BCAT1: variants seen among roughly 807,000 people sequenced by gnomAD.
BCAT1 encodes the protein branched chain amino acid transaminase 1.
Under a neutral mutation model 52.4 loss-of-function variants are expected in BCAT1, and 48 were observed. The ratio of observed to expected loss-of-function variants is 0.92; its 90% CI spans 0.73 to 1.16. BCAT1 has a LOEUF of 1.16. Ranked by LOEUF, BCAT1 falls within the 50% of genes most tolerant of loss-of-function variation. The pLI, the probability that BCAT1 is intolerant of heterozygous loss-of-function variation, is 0.00. For synonymous variants in BCAT1, 167 were observed against 161.3 expected (o/e 1.04, Z -0.27); for missense variants, 451 against 457.1 (o/e 0.99, Z 0.12).
At chr12:24,924,782 G>T (rs1340356456) in intron 1 of BCAT1, among the ~76,000 whole-genome samples, 3 of 152,148 alleles carry the variant, frequency 2.0e-5, no homozygotes, top group Non-Finnish European at 2.9e-5. Flanking sequence ...ATATGAACCA[G>T]ATATGACATG....
intron 5 of BCAT1, among the ~76,000 whole-genome samples, chr12:24,869,356 C>T (rs1359630445): frequency 1.3e-5 from 2 of 152,156 alleles, no homozygotes; most frequent in African/African-American, 2.4e-5. Flanking sequence ...CCCTCCTCTT[C>T]CTGGGTGGTA....
chr12:24,815,332 AC>A lies in BCAT1; in HGVS notation c.*2675del, dbSNP rs1311709450. 1 of 152,624 alleles carries A rather than the reference AC, an allele frequency of 6.6e-6. No individual in the cohort carries two copies. Among genetic ancestry groups the A allele is most frequent in the Non-Finnish European group, 1.5e-5 (1 of 68,032 alleles). The allele number at this position is 152,624 out of a possible 1,614,324, so 9.5% of individuals were successfully genotyped here. On this transcript the variant is annotated 3_prime_UTR_variant, in exon 11 of 11. Transcript: ENST00000261192. The stretch of plus-strand genomic sequence containing the variant: ...TGAATTGCTGAATCTCATTTGATCA[AC>A]CCAATTAAACATTAAATAATTGCAG...
intron 1 of BCAT1, among the ~76,000 whole-genome samples, chr12:24,934,125 T>G (rs527989968): frequency 8.5e-5 from 13 of 152,222 alleles, no homozygotes; most frequent in Non-Finnish European, 1.8e-4. Context: ...GCTTTTCATT[T>G]AAAAGAAAAG....
At chr12:24,923,844 G>A (rs1162253648) in intron 1 of BCAT1, among the ~76,000 whole-genome samples, 1 of 152,174 alleles carries the variant, frequency 6.6e-6, no homozygotes, top group Non-Finnish European at 1.5e-5. Flanking sequence ...AGACCACACA[G>A]GGCAATTAAC....
At chr12:24,924,896 T>C (rs1943555600) in intron 1 of BCAT1, among the ~76,000 whole-genome samples, 1 of 152,226 alleles carries the variant, frequency 6.6e-6, no homozygotes, top group Non-Finnish European at 1.5e-5. Context: ...TATTTTCATA[T>C]GATTCAGTAC....
At chr12:24,904,776 G>C (rs1943200521) in intron 1 of BCAT1, 1 of 152,202 alleles carries the variant, frequency 6.6e-6, no homozygotes, top group Non-Finnish European at 1.5e-5. Flanking sequence ...CTAGTTGCTG[G>C]GGGAGGGTTG....
chr12:24,890,949 G>A (rs1275110673), intron 3 of BCAT1, among the ~76,000 whole-genome samples: 1 of 152,146 alleles, frequency 6.6e-6, no homozygotes, highest in Non-Finnish European at 1.5e-5. Context: ...TTGAATTGGA[G>A]GACACCCAGC....
At position 24,829,873 on chromosome 12, in the gene BCAT1, T is replaced by C. The variant is rs1473367186; in HGVS notation, c.1069A>G (p.Asn357Asp). The change falls in exon 10 of 11, where the codon AAT becomes GAT. Residue 357 changes from asparagine (N) to aspartate (D), a missense_variant. Transcript: ENST00000261192. The part of the protein sequence containing the change: ...GETIHIPTME[N>D]GPKLASRILS... ...ATGCGGCTTGCCAGCTTAGGACCATTCTCCATAGTTGGAATGTGTATTGTC... is the reference window on the plus strand; with the variant it reads ...ATGCGGCTTGCCAGCTTAGGACCATCCTCCATAGTTGGAATGTGTATTGTC... 6.2e-7 allele frequency: 1 copy of C among 1,611,240 alleles called. No individual in the cohort carries two copies. Among genetic ancestry groups the C allele is most frequent in the Admixed American group, 1.7e-5 (1 of 59,796 alleles).
chr12:24,902,279 T>G, intron 1 of BCAT1: 1 of 1,326,686 alleles, frequency 7.5e-7, no homozygotes, highest in Non-Finnish European at 9.6e-7. Context: ...GCGCTCAGCC[T>G]CGTGGTCTTG....
intron 1 of BCAT1, among the ~76,000 whole-genome samples, chr12:24,939,259 A>T (rs1943814524): frequency 6.6e-6 from 1 of 152,178 alleles, no homozygotes. Context: ...TTTTCCTGTT[A>T]CTGGGTACAA....
rs1002477995 is a variant in BCAT1, at chr12:24,834,343, T to A, written c.904-1480A>T. On this transcript the variant is annotated intron_variant, in intron 8 of 10. Coordinates refer to ENST00000261192, the MANE Select transcript of BCAT1 (RefSeq NM_005504.7). ...GATTTTCATCATGGAATTAGTGGTA[T>A]AACCTCATTGACTTCTGCCAAAGTG... The A allele has an allele frequency of 3.0e-6, 3 of 984,922 alleles. No homozygotes were observed. The African/African-American group carries it at 5.2e-5, about 17-fold the overall frequency. The allele number at this position is 984,922 out of a possible 1,614,324, so 61.0% of individuals were successfully genotyped here. A position where few individuals can be genotyped will look rare whatever the true frequency, so the allele number is the denominator to read the frequency against.
chr12:24,899,863 A>G (rs1378830409), intron 2 of BCAT1, among the ~76,000 whole-genome samples: 3 of 151,818 alleles, frequency 2.0e-5, no homozygotes, highest in African/African-American at 7.3e-5. Flanking sequence ...TCATGGAGGA[A>G]GAGAGTACTC....
chr12:24,894,549 A>G, intron 2 of BCAT1, 74 bp from the exon 3 acceptor site: 3 of 1,206,382 alleles, frequency 2.5e-6, no homozygotes, highest in Non-Finnish European at 3.4e-6. Flanking sequence ...CAGAGGGGAA[A>G]AAAAAAAAGG....
intron 3 of BCAT1, among the ~76,000 whole-genome samples, chr12:24,891,578 A>G (rs1591845153): frequency 6.6e-6 from 1 of 152,202 alleles, no homozygotes; most frequent in East Asian, 1.9e-4. Flanking sequence ...AATACAAAAC[A>G]TTTATTTTAC....
Position 24,839,513 on chromosome 12 carries a change from G to A in BCAT1, c.817+2569C>T, listed in dbSNP as rs57684719. On this transcript the variant is annotated intron_variant, in intron 7 of 10. Coordinates refer to ENST00000261192, the MANE Select transcript of BCAT1 (RefSeq NM_005504.7). ...TTTGTTCAAATGGTGAATAGCAAGC[G>A]TATGGGTTAAATTACTCATCAACAG... is the stretch of plus-strand genomic sequence containing the variant. 6.7e-3 allele frequency among the ~76,000 whole-genome samples: 1,024 copies of A among 152,340 alleles called. 10 individuals carry two copies. Among genetic ancestry groups the A allele is most frequent in the African/African-American group, 0.024 (986 of 41,572 alleles).
chr12:24,865,629 G>A (rs1017096641), intron 5 of BCAT1, among the ~76,000 whole-genome samples: 16 of 151,966 alleles, frequency 1.1e-4, no homozygotes, highest in Admixed American at 3.9e-4. Context: ...ATGTATATGT[G>A]TATGTTATAT....
chr12:24,845,083 C>A (rs1941302705), intron 6 of BCAT1, among the ~76,000 whole-genome samples: 1 of 144,188 alleles, frequency 6.9e-6, no homozygotes, highest in Non-Finnish European at 1.5e-5. Flanking sequence ...GTTTGGTGGA[C>A]CACGCCTGTA....
Position 24,814,802 on chromosome 12 carries a change from G to GTTTTTTTTTTTTTTTTTTTTTTCTTTTTT in BCAT1, c.*3205_*3206insAAAAAAGAAAAAAAAAAAAAAAAAAAAAA, listed in dbSNP as rs796259272. On this transcript the variant is annotated 3_prime_UTR_variant, in exon 11 of 11. Transcript: ENST00000261192. ...CTACTGCCTGCCTCTGCCTCTGTTTGTTTTTTTTTTTTTTTTTTGTCTTAC... is the reference window on the plus strand; with the variant it reads ...CTACTGCCTGCCTCTGCCTCTGTTTGTTTTTTTTTTTTTTTTTTTTTTCTTTTTTTTTTTTTTTTTTTTTTTTGTCTTAC... 1 of 56,848 alleles carries GTTTTTTTTTTTTTTTTTTTTTTCTTTTTT rather than the reference G, an allele frequency of 1.8e-5. No homozygotes were observed. The highest frequency in any genetic ancestry group is 5.1e-5 in the African/African-American group (1 of 19,728). 3.5% of individuals were successfully genotyped at this position (56,848 alleles called of 1,614,324 possible). A position where few individuals can be genotyped will look rare whatever the true frequency, so the allele number is the denominator to read the frequency against.
intron 5 of BCAT1, among the ~76,000 whole-genome samples, chr12:24,878,289 T>C (rs1942401839): frequency 6.6e-6 from 1 of 152,176 alleles, no homozygotes. Context: ...TTTTGGGGTA[T>C]GGTAAGAGGT....
Sources: gnomAD v4.1 joint callset for allele counts (sites outside exome capture counted in the v4.1 genomes callset) on GRCh38, gnomAD v4.1.1 for gene constraint, MANE v1.5 for transcripts, NCBI Gene and HGNC (gene_info 2026-07-23, HGNC 2026-07-21) for gene names.